The following SOX5 variants were observed in gnomAD, a reference collection of about 807,000 sequenced individuals.
SOX5 encodes SRY-box transcription factor 5.
In SOX5, 9 loss-of-function variants were observed where a neutral mutation model predicts 92.0. The ratio of observed to expected loss-of-function variants is 0.10; its 90% CI spans 0.06 to 0.17. SOX5 has a LOEUF of 0.17. Ranked by LOEUF, SOX5 falls within the 10% of genes least tolerant of loss-of-function variation. The pLI is 1.00. For missense variants in SOX5, 642 were observed against 944.5 expected (o/e 0.68, Z 4.20); for synonymous variants, 344 against 336.3 (o/e 1.02, Z -0.25).
intron 8 of SOX5, among the ~76,000 whole-genome samples, chr12:23,621,648 G>A (rs933525163): frequency 6.6e-6 from 1 of 151,940 alleles, no homozygotes; most frequent in African/African-American, 2.4e-5. Context: ...AAAGAAGGTT[G>A]GAAATATTAG....
intron 3 of SOX5, among the ~76,000 whole-genome samples, chr12:23,802,762 A>C (rs1287699575): frequency 6.6e-6 from 1 of 152,192 alleles, no homozygotes; most frequent in East Asian, 1.9e-4. Flanking sequence ...ATGTCATATT[A>C]GGTAAAAGTG....
At chr12:23,937,785 T>A (rs1015222338) in intron 1 of SOX5, among the ~76,000 whole-genome samples, 1 of 150,950 alleles carries the variant, frequency 6.6e-6, no homozygotes, top group African/African-American at 2.4e-5. Context: ...GAGGCCCTTG[T>A]TTGCATTATT....
intron 1 of SOX5, chr12:24,460,713 A>G (rs1943528863): frequency 6.6e-6 from 1 of 152,146 alleles, no homozygotes; most frequent in Non-Finnish European, 1.5e-5. Context: ...TCGGAGATGC[A>G]TTTCCCCCTC....
At chr12:24,122,897 A>C (rs1044812936) in intron 4 of SOX5, among the ~76,000 whole-genome samples, 1 of 152,236 alleles carries the variant, frequency 6.6e-6, no homozygotes, top group African/African-American at 2.4e-5. Flanking sequence ...TGTGATGTTT[A>C]CTTAAGGAGC....
At chr12:23,840,629 T>C (rs139397768) in intron 3 of SOX5, among the ~76,000 whole-genome samples, 246 of 152,220 alleles carry the variant, frequency 1.6e-3, no homozygotes, top group African/African-American at 5.4e-3. Flanking sequence ...GGCAAGACGA[T>C]AGACCAACTG....
chr12:24,394,526 A>G (rs1311747389), intron 1 of SOX5, among the ~76,000 whole-genome samples: 1 of 152,158 alleles, frequency 6.6e-6, no homozygotes, highest in Non-Finnish European at 1.5e-5. Flanking sequence ...TACCCTTTGA[A>G]GAGGTCTCAC....
chr12:24,471,935 T>C (rs1425858914), intron 1 of SOX5, among the ~76,000 whole-genome samples: 4 of 152,088 alleles, frequency 2.6e-5, no homozygotes, highest in African/African-American at 9.7e-5. Context: ...AATGTGTTTG[T>C]TCATTAATTT....
At chr12:24,052,949 G>A (rs887370546) in intron 4 of SOX5, among the ~76,000 whole-genome samples, 1 of 152,088 alleles carries the variant, frequency 6.6e-6, no homozygotes, top group South Asian at 2.1e-4. Flanking sequence ...AATCTCCTCA[G>A]TCAACTTAGA....
At chr12:23,637,672 G>T (rs1041160188) in intron 8 of SOX5, among the ~76,000 whole-genome samples, 2 of 152,174 alleles carry the variant, frequency 1.3e-5, no homozygotes, top group African/African-American at 4.8e-5. Context: ...AAAAACTGGA[G>T]AAGGCAGAAT....
chr12:24,153,574 C>G (rs1778727895), intron 4 of SOX5, among the ~76,000 whole-genome samples: 1 of 152,126 alleles, frequency 6.6e-6, no homozygotes, highest in African/African-American at 2.4e-5. Context: ...GTCCTGTTCT[C>G]ACACATACAT....
At chr12:23,863,793 TAC>T (rs71059936) in intron 2 of SOX5, among the ~76,000 whole-genome samples, 7,533 of 145,412 alleles carry the variant, frequency 0.052, 229 homozygotes, top group African/African-American at 0.069. Flanking sequence ...TTAAACACAC[TAC>T]ACACACACAC....
At chr12:23,812,175 GTTTCT>G (rs2095886809) in intron 3 of SOX5, among the ~76,000 whole-genome samples, 1 of 152,018 alleles carries the variant, frequency 6.6e-6, no homozygotes. Flanking sequence ...ACTTCTGGTA[GTTTCT>G]ACAACTAAAG....
At chr12:24,513,798 T>C (rs550694441) in intron 1 of SOX5, among the ~76,000 whole-genome samples, 2 of 152,350 alleles carry the variant, frequency 1.3e-5, no homozygotes, top group East Asian at 1.9e-4. Context: ...ATTATTAAAC[T>C]ATACAATTTT....
chr12:24,505,504 T>C (rs997580405), intron 1 of SOX5, among the ~76,000 whole-genome samples: 1 of 152,196 alleles, frequency 6.6e-6, no homozygotes, highest in African/African-American at 2.4e-5. Flanking sequence ...AATATGTCCA[T>C]ATTTAGCCAT....
intron 2 of SOX5, among the ~76,000 whole-genome samples, chr12:24,352,108 A>G (rs1166067765): frequency 2.0e-5 from 3 of 152,210 alleles, no homozygotes; most frequent in Non-Finnish European, 2.9e-5. Context: ...ATAGTATCAG[A>G]TTTATTTTGA....
At chr12:24,424,677 A>C (rs1331918652) in intron 1 of SOX5, among the ~76,000 whole-genome samples, 1 of 152,030 alleles carries the variant, frequency 6.6e-6, no homozygotes, top group Non-Finnish European at 1.5e-5. Context: ...CTTTTCTGTC[A>C]CTTCATGCTC....
intron 9 of SOX5, among the ~76,000 whole-genome samples, chr12:23,579,156 A>C (rs1949694651): frequency 1.3e-5 from 2 of 152,164 alleles, no homozygotes; most frequent in South Asian, 4.1e-4. Context: ...TAACTATTAC[A>C]TGCCCATGCT....
At chr12:23,737,320 C>A (rs916485277) in intron 5 of SOX5, among the ~76,000 whole-genome samples, 1 of 151,994 alleles carries the variant, frequency 6.6e-6, no homozygotes, top group African/African-American at 2.4e-5. Flanking sequence ...GTGGGCAGAT[C>A]GCAAGGTCAG....
intron 3 of SOX5, among the ~76,000 whole-genome samples, chr12:23,770,094 T>C (rs1169308773): frequency 7.2e-6 from 1 of 138,110 alleles, no homozygotes; most frequent in Non-Finnish European, 1.5e-5. Context: ...CACTTTTCAA[T>C]GATTAATTTT....
Sources: allele counts gnomAD v4.1 joint callset (sites outside exome capture counted in the v4.1 genomes callset), GRCh38; gene constraint gnomAD v4.1.1; transcripts MANE v1.5; gene names NCBI Gene and HGNC (gene_info 2026-07-23, HGNC 2026-07-21).